SLC19A3: variants seen among roughly 807,000 people sequenced by gnomAD.
SLC19A3 encodes the protein thiamine transporter 2.
A neutral mutation model predicts 40.2 loss-of-function variants in SLC19A3; 31 were observed. That is an observed-to-expected ratio of 0.77 (90% CI 0.58 to 1.04). SLC19A3 has a LOEUF of 1.04. SLC19A3 is among the 50% of genes least tolerant of loss of function. The pLI is 0.00. For missense variants in SLC19A3, 592 were observed against 596.7 expected (o/e 0.99, Z 0.08); for synonymous variants, 212 against 227.5 (o/e 0.93, Z 0.61).
chr2:227,701,744 A>G (rs1243693068), intron 2 of SLC19A3: 1 of 160,722 alleles, frequency 6.2e-6, no homozygotes, highest in Admixed American at 6.1e-5. Context: ...TAAAGCTGTT[A>G]ATGGCTCACC....
chr2:227,711,746 T>C (rs948376469), intron 1 of SLC19A3, among the ~76,000 whole-genome samples: 4 of 151,972 alleles, frequency 2.6e-5, no homozygotes, highest in African/African-American at 9.7e-5. Context: ...AGAGGTACTG[T>C]TAAGAAACTG....
intron 1 of SLC19A3, among the ~76,000 whole-genome samples, chr2:227,712,569 T>A (rs796687650): frequency 1.4e-4 from 22 of 152,332 alleles, no homozygotes; most frequent in African/African-American, 4.8e-4. Flanking sequence ...TCCATATACA[T>A]TGCTTGTTCG....
intron 2 of SLC19A3, chr2:227,700,897 C>T (rs564600034): frequency 7.7e-7 from 1 of 1,293,576 alleles, no homozygotes; most frequent in South Asian, 1.2e-5. Context: ...CCTCTCAAAT[C>T]ACTGAACGTA....
intron 1 of SLC19A3, chr2:227,714,522 G>C (rs1696260624): frequency 3.0e-6 from 3 of 984,896 alleles, no homozygotes; most frequent in Non-Finnish European, 3.6e-6. Context: ...TCCAACTTCT[G>C]CTCCTTCCTG....
At chr2:227,711,673 A>C (rs1479857463) in intron 1 of SLC19A3, among the ~76,000 whole-genome samples, 5 of 152,134 alleles carry the variant, frequency 3.3e-5, no homozygotes, top group Admixed American at 6.6e-5. Context: ...GAAATAATAA[A>C]AAGAATCTTA....
Position 227,699,374 on chromosome 2 carries a change from C to G in SLC19A3, c.341G>C (p.Gly114Ala), listed in dbSNP as rs1164678779. ...KTMQVVEFFY[G>A]MVTAAEVAYY... ...GGCCACCTCGGCGGCGGTGACCATCCCATAGAAGAACTCTACAACCTGCAT... is the reference window on the plus strand; with the variant it reads ...GGCCACCTCGGCGGCGGTGACCATCGCATAGAAGAACTCTACAACCTGCAT... The change falls in exon 3 of 6, where the codon GGG becomes GCG. Residue 114 changes from glycine (G) to alanine (A), a missense_variant. Gly to Ala is a moderately conservative substitution (Grantham distance 60). Transcript: ENST00000644224. The G allele has an allele frequency of 1.2e-6, 2 of 1,613,980 alleles. No individual in the cohort carries two copies. The highest frequency in any genetic ancestry group is 2.2e-5 in the East Asian group (1 of 44,886).
intron 1 of SLC19A3, among the ~76,000 whole-genome samples, chr2:227,711,647 G>T (rs1242471154): frequency 6.6e-6 from 1 of 151,532 alleles, no homozygotes; most frequent in Admixed American, 6.6e-5. Flanking sequence ...CGTTACCTAG[G>T]GACTGGCACA....
At chr2:227,710,524 G>A (rs1227808206) in intron 1 of SLC19A3, among the ~76,000 whole-genome samples, 2 of 151,742 alleles carry the variant, frequency 1.3e-5, no homozygotes, top group African/African-American at 2.4e-5. Flanking sequence ...GGCAAAACTC[G>A]GTCTGTACTA....
At chr2:227,695,599 C>T in intron 4 of SLC19A3, 1 of 377,030 alleles carries the variant, frequency 2.7e-6, no homozygotes, top group Non-Finnish European at 5.0e-6. Context: ...GAGAGCCAGG[C>T]CATCTCTCAA....
At chr2:227,689,322 A>G (rs1344535579) in intron 4 of SLC19A3, among the ~76,000 whole-genome samples, 1 of 152,174 alleles carries the variant, frequency 6.6e-6, no homozygotes, top group East Asian at 1.9e-4. Context: ...TTAATAATCA[A>G]ACTCCCAAAG....
At chr2:227,717,277 C>T (rs1435654969) in intron 1 of SLC19A3, among the ~76,000 whole-genome samples, 2 of 152,288 alleles carry the variant, frequency 1.3e-5, no homozygotes, top group South Asian at 2.1e-4. Context: ...GCTGGGATTA[C>T]AGGCGTGAGC....
rs1195406225 is a variant in SLC19A3, at chr2:227,686,199, A to C, written c.*1198T>G. The C allele has an allele frequency of 2.3e-6, 1 of 427,726 alleles. No individual in the cohort carries two copies. Among genetic ancestry groups the C allele is most frequent in the Non-Finnish European group, 4.7e-6 (1 of 213,138 alleles). The allele number at this position is 427,726 out of a possible 1,614,324, so 26.5% of individuals were successfully genotyped here. On this transcript the variant is annotated 3_prime_UTR_variant, in exon 6 of 6. Coordinates refer to ENST00000644224, the MANE Select transcript of SLC19A3 (RefSeq NM_025243.4). Reference sequence around the variant, plus strand: ...GTGAGAGAGCGAGACTGTCTCAAAAACCAAAACAAAACAAAATCAGGTGTT... The same window carrying C: ...GTGAGAGAGCGAGACTGTCTCAAAACCCAAAACAAAACAAAATCAGGTGTT...
chr2:227,708,792 T>C (rs1293710464), intron 1 of SLC19A3, among the ~76,000 whole-genome samples: 3 of 152,210 alleles, frequency 2.0e-5, no homozygotes, highest in Non-Finnish European at 4.4e-5. Context: ...TTTTTGTTTA[T>C]TTGTTTTTAG....
intron 4 of SLC19A3, among the ~76,000 whole-genome samples, chr2:227,691,256 G>A (rs1257392142): frequency 6.6e-6 from 1 of 152,062 alleles, no homozygotes; most frequent in East Asian, 1.9e-4. Flanking sequence ...AAAACCTATA[G>A]GACACAGTGA....
chr2:227,702,672 A>G (rs1210336951), intron 1 of SLC19A3: 4 of 276,736 alleles, frequency 1.4e-5, no homozygotes, highest in African/African-American at 2.2e-5. Flanking sequence ...ATAAAGCCCA[A>G]TAGAGGATCT....
intron 1 of SLC19A3, among the ~76,000 whole-genome samples, chr2:227,717,234 T>C (rs1696365155): frequency 6.6e-6 from 1 of 152,128 alleles, no homozygotes; most frequent in Non-Finnish European, 1.5e-5. Flanking sequence ...ATTCCTGACC[T>C]CAAGCAATCC....
chr2:227,689,282 T>C (rs565978785), intron 4 of SLC19A3, among the ~76,000 whole-genome samples: 1 of 152,228 alleles, frequency 6.6e-6, no homozygotes, highest in South Asian at 2.1e-4. Flanking sequence ...ACCAAGCAGA[T>C]TTAACCCAAA....
chr2:227,712,548 C>T (rs976263133), intron 1 of SLC19A3, among the ~76,000 whole-genome samples: 1 of 152,180 alleles, frequency 6.6e-6, no homozygotes, highest in Non-Finnish European at 1.5e-5. Context: ...CAAAGATTTA[C>T]AGCAAGTGAA....
intron 1 of SLC19A3, 82 bp from the exon 2 acceptor site, chr2:227,702,402 T>A: frequency 6.8e-7 from 1 of 1,478,268 alleles, no homozygotes; most frequent in Non-Finnish European, 9.3e-7. Flanking sequence ...CTGATTTTTT[T>A]TTTTTTTTTG....
Sources: gnomAD v4.1 joint callset for allele counts (sites outside exome capture counted in the v4.1 genomes callset) on GRCh38, gnomAD v4.1.1 for gene constraint, MANE v1.5 for transcripts, NCBI Gene and HGNC (gene_info 2026-07-23, HGNC 2026-07-21) for gene names.